The following CAMK2D variants were observed in gnomAD, a reference collection of about 807,000 sequenced individuals.
CAMK2D encodes the protein calcium/calmodulin dependent protein kinase II delta.
A neutral mutation model predicts 84.0 loss-of-function variants in CAMK2D; 37 were observed. The observed-to-expected ratio is 0.44, with a 90% confidence interval of 0.34 to 0.58. The LOEUF (loss-of-function observed/expected upper bound fraction) is 0.58. Among genes scored for constraint, CAMK2D ranks in the 20% least tolerant of loss-of-function variants. The probability of loss-of-function intolerance (pLI) is 0.02; values close to 1 mark genes in which losing one functional copy is unlikely to be tolerated. For synonymous variants in CAMK2D, 202 were observed against 212.5 expected (o/e 0.95, Z 0.43); for missense variants, 448 against 652.5 (o/e 0.69, Z 3.41).
At chr4:113,721,649 C>A (rs539962579) in intron 2 of CAMK2D, among the ~76,000 whole-genome samples, 12 of 152,170 alleles carry the variant, frequency 7.9e-5, no homozygotes, top group Admixed American at 7.9e-4. Flanking sequence ...AACAGATACA[C>A]AAGCCTCTTC....
chr4:113,457,371 T>C lies in CAMK2D; in HGVS notation c.1499A>G (p.His500Arg). The C allele has an allele frequency of 6.2e-7, 1 of 1,613,734 alleles. No individual in the cohort carries two copies. Among genetic ancestry groups the C allele is most frequent in the Non-Finnish European group, 8.5e-7 (1 of 1,179,756 alleles). The change falls in exon 19 of 21, where the codon CAT (histidine) becomes CGT (arginine). Residue 500 changes from histidine to arginine, a missense_variant. His to Arg is a conservative substitution (Grantham distance 29, BLOSUM62 0). Coordinates refer to ENST00000511664, the MANE Select transcript of CAMK2D (RefSeq NM_001321571.2). ...HRRDGKWQNV[H>R]FHRSGSPTVP... is the part of the protein sequence containing the mutation. Reference sequence around the variant, plus strand: ...TGTTGGTGACCCCGAGCGATGAAAATGAACATTCTGCCACTTTCCATCCCG... The same window carrying C: ...TGTTGGTGACCCCGAGCGATGAAAACGAACATTCTGCCACTTTCCATCCCG...
chr4:113,602,504 G>A (rs2098957476), intron 4 of CAMK2D, among the ~76,000 whole-genome samples: 1 of 152,224 alleles, frequency 6.6e-6, no homozygotes, highest in African/African-American at 2.4e-5. Flanking sequence ...GAAGGCAGAA[G>A]TTAGTGACAA....
intron 16 of CAMK2D, among the ~76,000 whole-genome samples, chr4:113,468,571 A>T (rs2097506366): frequency 6.6e-6 from 1 of 152,210 alleles, no homozygotes; most frequent in African/African-American, 2.4e-5. Context: ...TGTTGCCACA[A>T]GCCCAGCATC....
intron 8 of CAMK2D, among the ~76,000 whole-genome samples, chr4:113,528,615 A>G (rs1350280595): frequency 6.6e-6 from 1 of 152,138 alleles, no homozygotes; most frequent in East Asian, 1.9e-4. Flanking sequence ...ATTGTATGCC[A>G]CACTATCCCT....
intron 2 of CAMK2D, among the ~76,000 whole-genome samples, chr4:113,725,452 C>T (rs1190049066): frequency 6.6e-6 from 1 of 151,974 alleles, no homozygotes; most frequent in African/African-American, 2.4e-5. Flanking sequence ...AAAAAGTGAA[C>T]GCACTCTGTT....
At chr4:113,698,858 T>C (rs968493542) in intron 2 of CAMK2D, among the ~76,000 whole-genome samples, 2 of 152,134 alleles carry the variant, frequency 1.3e-5, no homozygotes, top group African/African-American at 2.4e-5. Context: ...TGAAAAGACA[T>C]GCAGATAGCA....
At chr4:113,576,511 G>C (rs993052134) in intron 4 of CAMK2D, among the ~76,000 whole-genome samples, 3 of 151,962 alleles carry the variant, frequency 2.0e-5, no homozygotes, top group African/African-American at 7.3e-5. Flanking sequence ...AGAAGAGTGT[G>C]TGTGTGTGCA....
At chr4:113,580,543 C>T (rs1420043746) in intron 4 of CAMK2D, among the ~76,000 whole-genome samples, 1 of 152,164 alleles carries the variant, frequency 6.6e-6, no homozygotes, top group Non-Finnish European at 1.5e-5. Context: ...CTTATGATTA[C>T]TTCCTTAGCT....
chr4:113,544,905 C>T (rs998548961), intron 6 of CAMK2D, among the ~76,000 whole-genome samples: 3 of 151,908 alleles, frequency 2.0e-5, no homozygotes, highest in African/African-American at 7.2e-5. Context: ...TGACTCTTCT[C>T]CTATTGCTTG....
chr4:113,488,667 C>T (rs1157215297), intron 16 of CAMK2D, among the ~76,000 whole-genome samples: 3 of 152,072 alleles, frequency 2.0e-5, no homozygotes, highest in African/African-American at 7.2e-5. Context: ...TAAAACAATG[C>T]TACATTATTT....
intron 16 of CAMK2D, among the ~76,000 whole-genome samples, chr4:113,483,749 C>A (rs1330643998): frequency 1.3e-5 from 2 of 151,948 alleles, no homozygotes; most frequent in Non-Finnish European, 2.9e-5. Flanking sequence ...GTTTTAGCCA[C>A]TGCACTCCAG....
At chr4:113,664,368 T>A (rs1190538133) in intron 2 of CAMK2D, among the ~76,000 whole-genome samples, 2 of 152,236 alleles carry the variant, frequency 1.3e-5, no homozygotes, top group Admixed American at 6.5e-5. Context: ...ATATCTTAAC[T>A]GAGCCCTTTG....
chr4:113,499,701 T>C (rs983750226), intron 16 of CAMK2D, among the ~76,000 whole-genome samples: 1 of 152,196 alleles, frequency 6.6e-6, no homozygotes, highest in African/African-American at 2.4e-5. Flanking sequence ...TACCGCTGTT[T>C]GTCAGAATAT....
chr4:113,552,494 T>G (rs1027262215), intron 4 of CAMK2D, among the ~76,000 whole-genome samples: 1 of 152,218 alleles, frequency 6.6e-6, no homozygotes, highest in Non-Finnish European at 1.5e-5. Context: ...CCTTTTGCTA[T>G]TTTTGCATGT....
chr4:113,483,954 C>A (rs11936225), intron 16 of CAMK2D, among the ~76,000 whole-genome samples: 19,960 of 152,050 alleles, frequency 0.13, 1,704 homozygotes, highest in East Asian at 0.37. Flanking sequence ...TTGGTTAAGT[C>A]AAGTAAACAG....
intron 13 of CAMK2D, 80 bp from the exon 14 acceptor site, chr4:113,505,115 TAGAG>T (rs2154154306): frequency 4.4e-5 from 31 of 710,244 alleles, no homozygotes; most frequent in Middle Eastern, 2.4e-4. Context: ...CATGTCTACA[TAGAG>T]ATGTAGACAT....
chr4:113,496,588 A>G (rs1032980355), intron 16 of CAMK2D, among the ~76,000 whole-genome samples: 5 of 151,828 alleles, frequency 3.3e-5, no homozygotes, highest in Non-Finnish European at 7.4e-5. Flanking sequence ...TGCTGGGATT[A>G]CAGGCGCGTA....
Position 113,612,472 on chromosome 4 carries a change from G to T in CAMK2D, c.221-3266C>A, listed in dbSNP as rs141244835. Among the ~76,000 whole-genome samples the T allele has an allele frequency of 4.2e-3, 635 of 152,212 alleles. 2 individuals are homozygous for T. The highest frequency in any genetic ancestry group is 8.0e-3 in the Non-Finnish European group (545 of 68,000). On this transcript the variant is annotated intron_variant, in intron 3 of 20. Coordinates refer to ENST00000511664, the MANE Select transcript of CAMK2D (RefSeq NM_001321571.2). ...TCACAGCTGTTAGCTCAAGACTGACGGCATGGCTGGCCTTGACAGCACTGC... is the reference window on the plus strand; with the variant it reads ...TCACAGCTGTTAGCTCAAGACTGACTGCATGGCTGGCCTTGACAGCACTGC...
intron 2 of CAMK2D, among the ~76,000 whole-genome samples, chr4:113,704,128 T>A (rs1290281606): frequency 1.3e-5 from 2 of 152,096 alleles, no homozygotes; most frequent in African/African-American, 4.8e-5. Context: ...CCATAGTGTT[T>A]ATCTGGAAGT....
Sources: gnomAD v4.1 joint callset for allele counts (sites outside exome capture counted in the v4.1 genomes callset) on GRCh38, gnomAD v4.1.1 for gene constraint, MANE v1.5 for transcripts, NCBI Gene and HGNC (gene_info 2026-07-23, HGNC 2026-07-21) for gene names.